Variants in LRP12 observed in about 807,000 individuals in gnomAD.
LRP12 encodes low-density lipoprotein receptor-related protein 12.
A neutral mutation model predicts 66.0 loss-of-function variants in LRP12; 14 were observed. The ratio of observed to expected loss-of-function variants is 0.21; its 90% CI spans 0.14 to 0.33. The LOEUF (loss-of-function observed/expected upper bound fraction) is 0.33. Ranked by LOEUF, LRP12 falls within the 10% of genes least tolerant of loss-of-function variation. LRP12 has a pLI of 1.00. For missense variants in LRP12, 889 were observed against 1,053.4 expected, an observed-to-expected ratio of 0.84 and a Z score of 2.16; for synonymous variants, 357 against 359.1, an observed-to-expected ratio of 0.99 and a Z score of 0.07.
intron 1 of LRP12, among the ~76,000 whole-genome samples, chr8:104,571,878 A>G (rs2140894617): frequency 6.6e-6 from 1 of 152,318 alleles, no homozygotes; most frequent in South Asian, 2.1e-4. Flanking sequence ...GTCTGCAGAA[A>G]AATTGTCTTC....
intron 3 of LRP12, among the ~76,000 whole-genome samples, chr8:104,500,884 G>C (rs1810819578): frequency 6.6e-6 from 1 of 152,136 alleles, no homozygotes; most frequent in Non-Finnish European, 1.5e-5. Context: ...CGAATTTACA[G>C]TTCTACCAAG....
At chr8:104,499,625 T>C in intron 3 of LRP12, 106 bp from the exon 4 acceptor site, 1 of 662,848 alleles carries the variant, frequency 1.5e-6, no homozygotes, top group Non-Finnish European at 2.5e-6. Flanking sequence ...TACTGACTGA[T>C]TCTCCTGGGT....
rs199564589 is a variant in LRP12 at position 104,491,086 on chromosome 8, G to A, written c.2167C>T (p.Arg723Cys). ...SVEPPSVSPA[R>C]HQLTSALSRM... Reference sequence around the variant, plus strand: ...CTGAGTGCACTTGTAAGCTGGTGACGTGCTGGACTCACACTTGGGGGTTCC... The same window carrying A: ...CTGAGTGCACTTGTAAGCTGGTGACATGCTGGACTCACACTTGGGGGTTCC... The change falls in exon 7 of 7, where the codon CGT becomes TGT. Residue 723 changes from arginine to cysteine, a missense_variant. By Grantham distance (180) the Arg-to-Cys change is radical. This residue lies in a region of LRP12 where 800 missense variants were observed against 964.5 expected (regional missense o/e 0.83). Transcript: ENST00000276654. 1.9e-6 allele frequency: 3 copies of A among 1,614,088 alleles called. No homozygotes were observed. The highest frequency in any genetic ancestry group is 3.3e-5 in the Admixed American group (2 of 60,000).
intron 6 of LRP12, among the ~76,000 whole-genome samples, chr8:104,492,212 CTTAATCT>C (rs138284743): frequency 0.031 from 4,662 of 152,146 alleles, 229 homozygotes; most frequent in African/African-American, 0.11. Context: ...TAGATTCCTT[CTTAATCT>C]TTAAAGTTTT....
Position 104,588,127 on chromosome 8 carries a change from G to A in LRP12, c.79+692C>T, listed in dbSNP as rs7823672. Among the ~76,000 whole-genome samples the A allele has an allele frequency of 2.5e-3, 384 of 152,300 alleles. 1 individual carries two copies. Among genetic ancestry groups the A allele is most frequent in the African/African-American group, 8.7e-3 (361 of 41,556 alleles). ...AACAGTGACCACAGCGGCGGACGAGGATGGATGAAATTACAATTGAACTAG... is the reference window on the plus strand; with the variant it reads ...AACAGTGACCACAGCGGCGGACGAGAATGGATGAAATTACAATTGAACTAG... On this transcript the variant is annotated intron_variant, in intron 1 of 6. Coordinates refer to ENST00000276654, the MANE Select transcript of LRP12 (RefSeq NM_013437.5).
intron 1 of LRP12, among the ~76,000 whole-genome samples, chr8:104,570,845 A>C (rs924103151): frequency 2.6e-5 from 4 of 152,204 alleles, no homozygotes; most frequent in African/African-American, 9.6e-5. Flanking sequence ...CTACAGATTC[A>C]GAGGGGGGAA....
chr8:104,490,684 A>T lies in LRP12; in HGVS notation c.2569T>A (p.Leu857Ile). ...TATGTGATTCGTACCTAACAAAGTAACAAAGCCTCATCATCACTCGTTTCG... is the reference window on the plus strand; with the variant it reads ...TATGTGATTCGTACCTAACAAAGTATCAAAGCCTCATCATCACTCGTTTCG... ...KNETSDDEAL[L>I]LC The change falls in exon 7 of 7, where the codon TTA (leucine) becomes ATA (isoleucine). Residue 857 changes from leucine (L) to isoleucine (I), a missense_variant. Coordinates refer to ENST00000276654, the MANE Select transcript of LRP12 (RefSeq NM_013437.5). The T allele has an allele frequency of 6.2e-7, 1 of 1,611,126 alleles. No individual in the cohort carries two copies. The highest frequency in any genetic ancestry group is 8.5e-7 in the Non-Finnish European group (1 of 1,178,636).
intron 1 of LRP12, among the ~76,000 whole-genome samples, chr8:104,540,218 A>C (rs1314982289): frequency 6.6e-6 from 1 of 152,170 alleles, no homozygotes; most frequent in Non-Finnish European, 1.5e-5. Context: ...GTGAGGACAC[A>C]GTAAGGAGGA....
intron 1 of LRP12, among the ~76,000 whole-genome samples, chr8:104,547,557 T>A (rs1390693528): frequency 7.9e-6 from 1 of 126,948 alleles, no homozygotes; most frequent in Non-Finnish European, 1.6e-5. Flanking sequence ...TAATTACATA[T>A]TATATATTAA....
intron 1 of LRP12, among the ~76,000 whole-genome samples, chr8:104,588,268 G>A (rs1812366075): frequency 6.6e-6 from 1 of 152,152 alleles, no homozygotes; most frequent in Admixed American, 6.5e-5. Context: ...TGCACGCCCG[G>A]ATTCGGCAGA....
At chr8:104,528,737 T>C (rs1024446828) in intron 2 of LRP12, among the ~76,000 whole-genome samples, 1 of 151,594 alleles carries the variant, frequency 6.6e-6, no homozygotes, top group African/African-American at 2.4e-5. Context: ...ATCACAACAC[T>C]GTACTCCAGC....
chr8:104,506,505 A>G (rs1156947293), intron 3 of LRP12: 1 of 152,036 alleles, frequency 6.6e-6, no homozygotes, highest in Non-Finnish European at 1.5e-5. Flanking sequence ...TCTACATTCC[A>G]GAACAAGTCT....
At chr8:104,509,626 T>C (rs1233682941) in intron 2 of LRP12, among the ~76,000 whole-genome samples, 1 of 152,208 alleles carries the variant, frequency 6.6e-6, no homozygotes, top group Non-Finnish European at 1.5e-5. Context: ...AAAGTAGTGA[T>C]GCTGGTAATT....
chr8:104,582,076 AAAAGT>A, intron 1 of LRP12, among the ~76,000 whole-genome samples: 1 of 152,352 alleles, frequency 6.6e-6, no homozygotes, highest in East Asian at 1.9e-4. Context: ...TTATATTTGA[AAAAGT>A]AAATTCCAAC....
chr8:104,552,517 A>AT (rs148055665), intron 1 of LRP12, among the ~76,000 whole-genome samples: 180 of 149,146 alleles, frequency 1.2e-3, no homozygotes, highest in South Asian at 3.4e-3. Context: ...TAAAAATACA[A>AT]TTTTTTTTTT....
At chr8:104,552,520 T>G (rs1000890605) in intron 1 of LRP12, among the ~76,000 whole-genome samples, 1 of 151,868 alleles carries the variant, frequency 6.6e-6, no homozygotes, top group African/African-American at 2.4e-5. Flanking sequence ...AAATACAATT[T>G]TTTTTTTCTC....
chr8:104,537,472 G>A (rs1337830731), intron 1 of LRP12, among the ~76,000 whole-genome samples: 1 of 152,096 alleles, frequency 6.6e-6, no homozygotes, highest in Admixed American at 6.6e-5. Flanking sequence ...TCTGGAAGAC[G>A]CTAAAGTTCT....
intron 1 of LRP12, among the ~76,000 whole-genome samples, chr8:104,576,781 G>C (rs1389091944): frequency 6.6e-6 from 1 of 151,990 alleles, no homozygotes; most frequent in East Asian, 1.9e-4. Flanking sequence ...AATGTAAATG[G>C]AATAAATGCC....
At chr8:104,527,018 A>G (rs543449370) in intron 2 of LRP12, among the ~76,000 whole-genome samples, 6 of 150,466 alleles carry the variant, frequency 4.0e-5, no homozygotes, top group South Asian at 2.1e-4. Flanking sequence ...AAAAGTGGGC[A>G]AAGGATATGA....
Sources: allele counts gnomAD v4.1 joint callset (sites outside exome capture counted in the v4.1 genomes callset), GRCh38; gene constraint gnomAD v4.1.1; regional missense constraint gnomAD v4.1.1; transcripts MANE v1.5; gene names NCBI Gene and HGNC (gene_info 2026-07-23, HGNC 2026-07-21).